LRRC4C: variants seen among roughly 807,000 people sequenced by gnomAD.
LRRC4C encodes leucine-rich repeat-containing protein 4C.
Under a neutral mutation model 33.6 loss-of-function variants are expected in LRRC4C, and 5 were observed. The ratio of observed to expected loss-of-function variants is 0.15; its 90% confidence interval spans 0.08 to 0.31. The LOEUF (loss-of-function observed/expected upper bound fraction) is 0.31, where lower values mean the gene tolerates loss of function less well. Ranked by LOEUF, LRRC4C falls within the 10% of genes least tolerant of loss-of-function variation. The pLI is 1.00. For synonymous variants in LRRC4C, 329 were observed against 302.0 expected (o/e 1.09, Z -0.93); for missense variants, 560 against 796.7 (o/e 0.70, Z 3.58).
At chr11:40,120,720 A>G (rs369669401) in intron 6 of LRRC4C, among the ~76,000 whole-genome samples, 12 of 152,264 alleles carry the variant, frequency 7.9e-5, no homozygotes, top group African/African-American at 2.9e-4. Flanking sequence ...TTGACTGGAA[A>G]TAGCACAAGA....
chr11:40,115,327 C>A lies in LRRC4C; in HGVS notation c.966G>T (p.Ser322=). The A allele has an allele frequency of 6.2e-7, 1 of 1,614,048 alleles. No homozygotes were observed. Among genetic ancestry groups the A allele is most frequent in the Non-Finnish European group, 8.5e-7 (1 of 1,180,004 alleles). The change falls in exon 7 of 7, where the codon TCG becomes TCT. Residue 322 remains serine (S), a synonymous_variant. Coordinates refer to ENST00000528697, the MANE Select transcript of LRRC4C (RefSeq NM_001258419.2). This position sits in a 1 kb window ranked among gnomAD's most constrained non-coding sequence, Gnocchi z 6.7. ...TACACCGGGCACAACAAGCTGTGTT[C>A]GAGGGGGCCATGTCTTTTATCCACC... ...LSWWIKDMAP[S]NTACCARCNT... is the part of the protein sequence containing the mutation.
intron 1 of LRRC4C, among the ~76,000 whole-genome samples, chr11:41,443,561 CT>C (rs1955722010): frequency 6.6e-6 from 1 of 151,572 alleles, no homozygotes; most frequent in Non-Finnish European, 1.5e-5. Context: ...TCTCTCTCTC[CT>C]TTTTCTTTTT....
intron 2 of LRRC4C, among the ~76,000 whole-genome samples, chr11:40,907,817 G>A (rs1056979942): frequency 2.6e-5 from 4 of 152,160 alleles, no homozygotes; most frequent in Admixed American, 2.0e-4. Context: ...TCGCTTAAAA[G>A]CGTAACTTGT....
chr11:41,078,964 C>CT (rs1357692216), intron 1 of LRRC4C, among the ~76,000 whole-genome samples: 1 of 152,186 alleles, frequency 6.6e-6, no homozygotes, highest in Non-Finnish European at 1.5e-5. Flanking sequence ...GTTTCCACTA[C>CT]TTTTTTCTCC....
At chr11:41,165,450 G>A (rs1349013682) in intron 1 of LRRC4C, among the ~76,000 whole-genome samples, 1 of 151,956 alleles carries the variant, frequency 6.6e-6, no homozygotes, top group Non-Finnish European at 1.5e-5. Flanking sequence ...TTTTTGCCAA[G>A]TAACACCCTC....
chr11:40,666,594 G>T (rs1178976829), intron 2 of LRRC4C, among the ~76,000 whole-genome samples: 1 of 151,924 alleles, frequency 6.6e-6, no homozygotes, highest in Non-Finnish European at 1.5e-5. Context: ...TATTCCTTTG[G>T]GCAAGAGAAG....
chr11:40,906,849 GAT>G (rs1956443708), intron 2 of LRRC4C, among the ~76,000 whole-genome samples: 1 of 152,032 alleles, frequency 6.6e-6, no homozygotes, highest in African/African-American at 2.4e-5. Context: ...AAAAAGAAAA[GAT>G]AAAGTGTAAA....
intron 2 of LRRC4C, among the ~76,000 whole-genome samples, chr11:40,702,942 A>G (rs1022516283): frequency 6.6e-6 from 1 of 152,170 alleles, no homozygotes; most frequent in Non-Finnish European, 1.5e-5. Flanking sequence ...GCCTTAGGAA[A>G]TTACTGGCCA....
chr11:40,284,448 G>C (rs1943698200), intron 4 of LRRC4C, among the ~76,000 whole-genome samples: 1 of 151,820 alleles, frequency 6.6e-6, no homozygotes, highest in South Asian at 2.1e-4. Context: ...ATCTGAGGAA[G>C]ACTGTGCTGT....
intron 2 of LRRC4C, among the ~76,000 whole-genome samples, chr11:40,861,303 C>G (rs894214809): frequency 3.3e-5 from 5 of 152,134 alleles, no homozygotes; most frequent in African/African-American, 1.2e-4. Flanking sequence ...AAGGTGTCAG[C>G]TCCAAGGAGA....
chr11:41,319,917 T>C (rs1950907314), intron 1 of LRRC4C, among the ~76,000 whole-genome samples: 1 of 152,180 alleles, frequency 6.6e-6, no homozygotes, highest in Admixed American at 6.6e-5. Context: ...CATGGAATTA[T>C]TTTAATGTGT....
intron 3 of LRRC4C, among the ~76,000 whole-genome samples, chr11:40,380,294 T>G (rs1332242623): frequency 2.6e-5 from 4 of 152,134 alleles, no homozygotes; most frequent in Admixed American, 6.5e-5. Context: ...TGTGGTGGTT[T>G]ATGTTTTAAA....
rs374535993 is a variant in LRRC4C at position 40,214,904 on chromosome 11, A to G, written c.-96+26615T>C. 1.4e-4 allele frequency among the ~76,000 whole-genome samples: 22 copies of G among 152,256 alleles called. No individual in the cohort carries two copies. In the South Asian group the frequency reaches 4.6e-3, roughly 32 times the overall value. ...AAATGTCTGAAAAATAATTGGAGGA[A>G]TCATTAAAGAGCTAGTGAGCTCACA... On this transcript the variant is annotated intron_variant, in intron 5 of 6. Transcript: ENST00000528697.
At chr11:40,849,576 T>C (rs1028116626) in intron 2 of LRRC4C, among the ~76,000 whole-genome samples, 9 of 152,144 alleles carry the variant, frequency 5.9e-5, no homozygotes, top group East Asian at 1.9e-4. Flanking sequence ...ACATTTTTTT[T>C]CCCTTCATTT....
chr11:40,374,060 A>G (rs1948565541), intron 3 of LRRC4C, among the ~76,000 whole-genome samples: 2 of 152,206 alleles, frequency 1.3e-5, no homozygotes, highest in Admixed American at 6.5e-5. Context: ...CCTTAACAAG[A>G]CTATTAAGAT....
chr11:41,048,844 C>T (rs1857993193), intron 1 of LRRC4C, among the ~76,000 whole-genome samples: 1 of 152,180 alleles, frequency 6.6e-6, no homozygotes, highest in Admixed American at 6.5e-5. Context: ...GGCATGGACT[C>T]TGCTAGGGGA....
At chr11:40,281,648 T>C (rs997743580) in intron 4 of LRRC4C, among the ~76,000 whole-genome samples, 5 of 152,162 alleles carry the variant, frequency 3.3e-5, no homozygotes, top group Non-Finnish European at 5.9e-5. Flanking sequence ...AACATGTCCA[T>C]TGCCCTGAAA....
Position 40,881,960 on chromosome 11 carries a change from T to A in LRRC4C, c.-407+51675A>T, listed in dbSNP as rs570170589. On this transcript the variant is annotated intron_variant, in intron 2 of 6. Transcript: ENST00000528697. ...TGCTTCCAGTCTTACTTCTTCCATT[T>A]TTGCTTCATACTAGAAGTCAGCAGG... is the stretch of plus-strand genomic sequence containing the variant. Among the ~76,000 whole-genome samples, 4 of 152,210 alleles carry A rather than the reference T, an allele frequency of 2.6e-5. No homozygotes were observed. The South Asian group carries it at 8.3e-4, about 32-fold the overall frequency.
intron 1 of LRRC4C, among the ~76,000 whole-genome samples, chr11:41,163,887 C>T (rs955666852): frequency 2.6e-5 from 4 of 152,190 alleles, no homozygotes; most frequent in Admixed American, 6.5e-5. Flanking sequence ...GCTGAGATTA[C>T]AGGCATGAGA....
Sources: gnomAD v4.1 joint callset for allele counts (sites outside exome capture counted in the v4.1 genomes callset) on GRCh38, gnomAD v4.1.1 for gene constraint, Gnocchi (gnomAD v3.1) non-coding constraint, MANE v1.5 for transcripts, NCBI Gene and HGNC (gene_info 2026-07-23, HGNC 2026-07-21) for gene names.